Variants in CD2AP observed in about 807,000 individuals in gnomAD.
The protein encoded by CD2AP is CD2 associated protein.
A neutral mutation model predicts 85.1 loss-of-function variants in CD2AP; 46 were observed. The observed-to-expected ratio is 0.54, with a 90% CI of 0.43 to 0.69. The LOEUF is 0.69. Ranked by LOEUF, CD2AP falls within the 30% of genes least tolerant of loss-of-function variation. CD2AP has a pLI of 0.00. For missense variants in CD2AP, 769 were observed against 729.5 expected (o/e 1.05, Z -0.62); for synonymous variants, 255 against 252.9 (o/e 1.01, Z -0.08).
At chr6:47,596,636 G>A (rs958750956) in intron 12 of CD2AP, among the ~76,000 whole-genome samples, 2 of 151,954 alleles carry the variant, frequency 1.3e-5, no homozygotes, top group African/African-American at 2.4e-5. Context: ...GTGTATATAT[G>A]CCACATTTTC....
intron 11 of CD2AP, among the ~76,000 whole-genome samples, chr6:47,586,276 GA>G (rs147371535): frequency 0.016 from 2,378 of 152,248 alleles, 44 homozygotes; most frequent in African/African-American, 0.038. Context: ...TCTGAAATGA[GA>G]AACACTGAAT....
At chr6:47,528,255 A>C (rs546626220) in intron 2 of CD2AP, among the ~76,000 whole-genome samples, 2 of 152,184 alleles carry the variant, frequency 1.3e-5, no homozygotes, top group East Asian at 3.9e-4. Flanking sequence ...GCTCACTGCA[A>C]CCTCCGCCTC....
intron 1 of CD2AP, among the ~76,000 whole-genome samples, chr6:47,482,727 C>T (rs1374043409): frequency 1.3e-5 from 2 of 152,112 alleles, no homozygotes; most frequent in Admixed American, 1.3e-4. Context: ...ATCATATTAA[C>T]TAAAATCTAA....
intron 2 of CD2AP, among the ~76,000 whole-genome samples, chr6:47,525,236 T>A (rs1766690993): frequency 6.6e-6 from 1 of 152,172 alleles, no homozygotes; most frequent in Admixed American, 6.5e-5. Context: ...TTATTTTCCT[T>A]ATTCTTTAGT....
At chr6:47,606,506 G>A (rs1161495846) in intron 14 of CD2AP, among the ~76,000 whole-genome samples, 2 of 151,936 alleles carry the variant, frequency 1.3e-5, no homozygotes, top group East Asian at 3.9e-4. Context: ...TGAGGCTATA[G>A]CCACAGAGCA....
intron 13 of CD2AP, among the ~76,000 whole-genome samples, chr6:47,602,866 C>G (rs1769177689): frequency 6.6e-6 from 1 of 151,756 alleles, no homozygotes; most frequent in Non-Finnish European, 1.5e-5. Context: ...TGCCATTGCT[C>G]TCCAGCCTGG....
At chr6:47,530,144 G>A (rs767848102) in intron 2 of CD2AP, among the ~76,000 whole-genome samples, 1 of 152,180 alleles carries the variant, frequency 6.6e-6, no homozygotes, top group African/African-American at 2.4e-5. Flanking sequence ...TACACTTCCT[G>A]TGTTAGGCAT....
intron 2 of CD2AP, among the ~76,000 whole-genome samples, chr6:47,516,953 G>T (rs1766465775): frequency 6.6e-6 from 1 of 152,080 alleles, no homozygotes; most frequent in Non-Finnish European, 1.5e-5. Context: ...GCTGGTAGTT[G>T]TCCCCTCCAA....
chr6:47,617,813 A>G (rs1223305704), intron 17 of CD2AP, among the ~76,000 whole-genome samples: 1 of 152,122 alleles, frequency 6.6e-6, no homozygotes, highest in Non-Finnish European at 1.5e-5. Context: ...TTACTATATG[A>G]GGTGTTTTTA....
At chr6:47,522,130 C>T (rs62410686) in intron 2 of CD2AP, among the ~76,000 whole-genome samples, 50,940 of 151,864 alleles carry the variant, frequency 0.34, 9,377 homozygotes, top group Middle Eastern at 0.53. Context: ...GTGCAGAGTC[C>T]GATCACCTGA....
intron 17 of CD2AP, among the ~76,000 whole-genome samples, chr6:47,612,943 A>G (rs748493962): frequency 2.0e-5 from 3 of 152,110 alleles, no homozygotes; most frequent in Admixed American, 6.6e-5. Context: ...TGCTTTATCA[A>G]CTAAGTTTAT....
intron 1 of CD2AP, among the ~76,000 whole-genome samples, chr6:47,494,058 G>A (rs192935034): frequency 4.2e-4 from 64 of 152,142 alleles, no homozygotes; most frequent in African/African-American, 1.4e-3. Flanking sequence ...TATCTGAGTC[G>A]GGTTCAGATG....
At chr6:47,505,652 G>A (rs1766131515) in intron 2 of CD2AP, among the ~76,000 whole-genome samples, 1 of 113,378 alleles carries the variant, frequency 8.8e-6, no homozygotes, top group African/African-American at 3.1e-5. Flanking sequence ...TCCCGGACGG[G>A]GCGGCTGGCC....
At chr6:47,588,084 T>C (rs1365730716) in intron 11 of CD2AP, among the ~76,000 whole-genome samples, 1 of 152,180 alleles carries the variant, frequency 6.6e-6, no homozygotes, top group Admixed American at 6.6e-5. Flanking sequence ...AAATACATAC[T>C]TTTTTAGGGG....
At chr6:47,598,337 T>C (rs560688807) in intron 12 of CD2AP, among the ~76,000 whole-genome samples, 1 of 151,122 alleles carries the variant, frequency 6.6e-6, no homozygotes, top group African/African-American at 2.4e-5. Flanking sequence ...TGGAAAGCAG[T>C]GTGGAGATTC....
intron 3 of CD2AP, among the ~76,000 whole-genome samples, chr6:47,543,526 A>C (rs530718855): frequency 6.6e-6 from 1 of 152,338 alleles, no homozygotes; most frequent in South Asian, 2.1e-4. Flanking sequence ...GTCCAAGATC[A>C]AGATACTGTC....
chr6:47,513,753 A>G (rs1351549417), intron 2 of CD2AP, among the ~76,000 whole-genome samples: 1 of 151,958 alleles, frequency 6.6e-6, no homozygotes, highest in Non-Finnish European at 1.5e-5. Context: ...TTTTTGGGGT[A>G]TGTGTACAGC....
intron 1 of CD2AP, among the ~76,000 whole-genome samples, chr6:47,485,037 A>C (rs561051296): frequency 2.6e-5 from 4 of 152,328 alleles, no homozygotes; most frequent in Non-Finnish European, 5.9e-5. Flanking sequence ...TGGTGTCAAC[A>C]AACCCGCACT....
intron 16 of CD2AP, among the ~76,000 whole-genome samples, chr6:47,611,411 G>A (rs1240567546): frequency 1.3e-5 from 2 of 151,572 alleles, no homozygotes; most frequent in African/African-American, 2.4e-5. Context: ...AAAGAGGGTC[G>A]CTTTTTGGGA....
Sources: allele counts gnomAD v4.1 joint callset (sites outside exome capture counted in the v4.1 genomes callset), GRCh38; gene constraint gnomAD v4.1.1; transcripts MANE v1.5; gene names NCBI Gene and HGNC (gene_info 2026-07-23, HGNC 2026-07-21).